The following VIPR2 variants were observed in gnomAD, a reference collection of about 807,000 sequenced individuals.
VIPR2 encodes the protein vasoactive intestinal polypeptide receptor 2.
Under a neutral mutation model 58.0 loss-of-function variants are expected in VIPR2, and 48 were observed. The ratio of observed to expected loss-of-function variants is 0.83; its 90% confidence interval spans 0.66 to 1.05. The LOEUF (loss-of-function observed/expected upper bound fraction) is 1.05, where lower values mean the gene tolerates loss of function less well. Among genes scored for constraint, VIPR2 ranks in the 50% least tolerant of loss-of-function variants. The pLI is 0.00. For synonymous variants in VIPR2, 243 were observed against 235.2 expected (o/e 1.03, Z -0.30); for missense variants, 534 against 558.0 (o/e 0.96, Z 0.43).
At chr7:159,105,931 C>T (rs1858618766) in intron 3 of VIPR2, among the ~76,000 whole-genome samples, 1 of 152,212 alleles carries the variant, frequency 6.6e-6, no homozygotes. Flanking sequence ...GAATGCCGGG[C>T]TCTGTGCTTG....
intron 4 of VIPR2, among the ~76,000 whole-genome samples, chr7:159,091,747 G>A (rs1338780302): frequency 6.6e-6 from 1 of 152,198 alleles, no homozygotes; most frequent in East Asian, 1.9e-4. Flanking sequence ...AGCTGCGGCT[G>A]GGAGCCTGCC....
chr7:159,076,969 C>T (rs1164876741), intron 4 of VIPR2, among the ~76,000 whole-genome samples: 1 of 152,152 alleles, frequency 6.6e-6, no homozygotes, highest in Admixed American at 6.5e-5. Flanking sequence ...AAAGTCTAAT[C>T]TGAGACTCCT....
chr7:159,079,973 T>G (rs1001418442), intron 4 of VIPR2, among the ~76,000 whole-genome samples: 2 of 152,106 alleles, frequency 1.3e-5, no homozygotes, highest in African/African-American at 4.8e-5. Context: ...AGGGAATAAT[T>G]AATAGCTTAC....
rs1326832311 is a variant in VIPR2, at chr7:159,030,744, G to T, written c.1189C>A (p.Pro397Thr). 6.3e-7 allele frequency: 1 copy of T among 1,591,072 alleles called. No individual in the cohort carries two copies. The change falls in exon 13 of 13, where the codon CCG (proline) becomes ACG (threonine). Residue 397 changes from proline to threonine, a missense_variant. By Grantham distance (38) the Pro-to-Thr change is conservative. Coordinates refer to ENST00000262178, the MANE Select transcript of VIPR2 (RefSeq NM_003382.5). ...KRKWRSRCPT[P>T]SASRDYRVCG... The stretch of plus-strand genomic sequence containing the variant: ...ACCCTGTAATCCCGGCTCGCGGACG[G>T]GGTCGGGCACCGGCTTCGCCATTTT...
At chr7:159,083,511 A>T (rs1563308226) in intron 4 of VIPR2, among the ~76,000 whole-genome samples, 1 of 152,144 alleles carries the variant, frequency 6.6e-6, no homozygotes, top group Non-Finnish European at 1.5e-5. Flanking sequence ...CCCTGGAGTG[A>T]CCATAGCAGA....
At chr7:159,077,643 T>C (rs1027677898) in intron 4 of VIPR2, among the ~76,000 whole-genome samples, 2 of 151,954 alleles carry the variant, frequency 1.3e-5, no homozygotes, top group Non-Finnish European at 2.9e-5. Flanking sequence ...TTTGAGGTAC[T>C]ACAGTGTGCC....
intron 2 of VIPR2, among the ~76,000 whole-genome samples, chr7:159,124,554 T>C (rs2129497035): frequency 6.6e-6 from 1 of 152,332 alleles, no homozygotes; most frequent in South Asian, 2.1e-4. Flanking sequence ...AGCCCCGTAG[T>C]ATTGTTTCAG....
rs188049155 is a variant in VIPR2 at position 159,077,834 on chromosome 7, G to C, written c.358-19256C>G. The stretch of plus-strand genomic sequence containing the variant: ...TTATCAGATTCTAGCCCTGTTCAAT[G>C]TCTTTGAGGTTTGCTGTGTACCTCT... On this transcript the variant is annotated intron_variant, in intron 4 of 12. Transcript: ENST00000262178. Among the ~76,000 whole-genome samples, 3 of 152,204 alleles carry C rather than the reference G, an allele frequency of 2.0e-5. No individual in the cohort carries two copies. The South Asian group carries it at 6.2e-4, about 32-fold the overall frequency.
rs552330259 is a variant in VIPR2, at chr7:159,126,978, T to G, written c.151+15468A>C. 2.6e-5 allele frequency among the ~76,000 whole-genome samples: 4 copies of G among 152,282 alleles called. No homozygotes were observed. In the South Asian group the frequency reaches 8.3e-4, roughly 32 times the overall value. ...GCAAACACAGCCTTGAGGTGGAGATTGGCTCCTAACATCCCCCTGGCTGGC... is the reference window on the plus strand; with the variant it reads ...GCAAACACAGCCTTGAGGTGGAGATGGGCTCCTAACATCCCCCTGGCTGGC... On this transcript the variant is annotated intron_variant, in intron 2 of 12. Transcript: ENST00000262178.
At chr7:159,073,229 A>C (rs1312588024) in intron 4 of VIPR2, among the ~76,000 whole-genome samples, 2 of 152,232 alleles carry the variant, frequency 1.3e-5, no homozygotes, top group Non-Finnish European at 2.9e-5. Flanking sequence ...ACAAATACAA[A>C]AGGAAAAATC....
intron 4 of VIPR2, among the ~76,000 whole-genome samples, chr7:159,066,982 C>T (rs1481520104): frequency 1.3e-5 from 2 of 152,258 alleles, no homozygotes; most frequent in East Asian, 1.9e-4. Context: ...TGGGCACTGG[C>T]GCTCTCCAGC....
At position 159,110,019 on chromosome 7, in the gene VIPR2, G is replaced by A. The variant is rs1795930137; in HGVS notation, c.152-100C>T. 6 of 1,081,668 alleles carry A rather than the reference G, an allele frequency of 5.5e-6. No homozygotes were observed. The East Asian group carries it at 1.5e-4, about 27-fold the overall frequency. The allele number at this position is 1,081,668 out of a possible 1,614,324, so 67.0% of individuals were successfully genotyped here. ...TAACTGCCTCGCAAACTCCTTTCCT[G>A]TGAAACACACTTGCACCAACACAAT... On this transcript the variant is annotated intron_variant, in intron 2 of 12. Coordinates refer to ENST00000262178, the MANE Select transcript of VIPR2 (RefSeq NM_003382.5).
At chr7:159,120,692 T>C (rs1258928080) in intron 2 of VIPR2, among the ~76,000 whole-genome samples, 3 of 152,190 alleles carry the variant, frequency 2.0e-5, no homozygotes, top group African/African-American at 7.2e-5. Context: ...CAGGCTAGTG[T>C]GCAGCCTGGG....
At chr7:159,047,689 G>A (rs2730261) in intron 5 of VIPR2, among the ~76,000 whole-genome samples, 135,330 of 152,266 alleles carry the variant, frequency 0.89, 60,504 homozygotes, top group East Asian at 1. Context: ...CAAGAATGTT[G>A]TTGTTAAAAT....
intron 2 of VIPR2, among the ~76,000 whole-genome samples, chr7:159,112,741 G>C (rs1170053934): frequency 7.2e-6 from 1 of 138,576 alleles, no homozygotes; most frequent in African/African-American, 2.6e-5. Flanking sequence ...GCCTACCTGG[G>C]ACCGACCCTG....
chr7:159,037,036 G>T (rs1854011486), intron 6 of VIPR2, 134 bp from the exon 7 acceptor site: 1 of 1,133,922 alleles, frequency 8.8e-7, no homozygotes, highest in Non-Finnish European at 1.2e-6. Context: ...CATTGGGAAG[G>T]AAAGTGATTA....
At chr7:159,111,935 T>C (rs1796021201) in intron 2 of VIPR2, among the ~76,000 whole-genome samples, 1 of 151,984 alleles carries the variant, frequency 6.6e-6, no homozygotes, top group Non-Finnish European at 1.5e-5. Context: ...CACTTGAGCC[T>C]GGGAGGTCGA....
chr7:159,062,719 T>C lies in VIPR2; in HGVS notation c.358-4141A>G, dbSNP rs1022592728. On this transcript the variant is annotated intron_variant, in intron 4 of 12. Transcript: ENST00000262178. ...ATTACAAAGGGCAAAAGAACACGAC[T>C]GCCACAGCACATAAGGAGACCCAGT... Among the ~76,000 whole-genome samples, 16 of 152,274 alleles carry C rather than the reference T, an allele frequency of 1.1e-4. No homozygotes were observed. The East Asian group carries it at 1.4e-3, about 13-fold the overall frequency.
chr7:159,030,466 G>T lies in VIPR2; in HGVS notation c.*150C>A. 1.1e-6 allele frequency: 1 copy of T among 898,378 alleles called. No individual in the cohort carries two copies. The highest frequency in any genetic ancestry group is 1.6e-6 in the Non-Finnish European group (1 of 627,980). The allele number at this position is 898,378 out of a possible 1,614,324, so 55.7% of individuals were successfully genotyped here. A position where few individuals can be genotyped will look rare whatever the true frequency, so the allele number is the denominator to read the frequency against. On this transcript the variant is annotated 3_prime_UTR_variant, in exon 13 of 13. Transcript: ENST00000262178. Reference sequence around the variant, plus strand: ...ACACGACTCCAATTCCAGGTATGGGGTTTAGTGGACAACCAGCTTGACGGA... The same window carrying T: ...ACACGACTCCAATTCCAGGTATGGGTTTTAGTGGACAACCAGCTTGACGGA...
Sources: gnomAD v4.1 joint callset for allele counts (sites outside exome capture counted in the v4.1 genomes callset) on GRCh38, gnomAD v4.1.1 for gene constraint, MANE v1.5 for transcripts, NCBI Gene and HGNC (gene_info 2026-07-23, HGNC 2026-07-21) for gene names.